CDH13: variants seen among roughly 807,000 people sequenced by gnomAD.
CDH13 encodes the protein cadherin-13.
CDH13 carries 24 observed loss-of-function variants against 63.8 expected under a neutral mutation model. The ratio of observed to expected loss-of-function variants is 0.38; its 90% CI spans 0.27 to 0.53. The LOEUF is 0.53. Ranked by LOEUF, CDH13 falls within the 20% of genes least tolerant of loss-of-function variation. CDH13 has a pLI of 0.85. For synonymous variants in CDH13, 503 were observed against 355.3 expected (o/e 1.42, Z -4.67); for missense variants, 1,049 against 903.1 (o/e 1.16, Z -2.07).
intron 6 of CDH13, among the ~76,000 whole-genome samples, chr16:83,399,745 G>A (rs530710069): frequency 2.0e-5 from 3 of 152,174 alleles, no homozygotes; most frequent in Admixed American, 6.5e-5. Flanking sequence ...ACTAAACCAC[G>A]CTAGACTCTG....
chr16:83,734,681 AT>A (rs1431264766), intron 10 of CDH13, among the ~76,000 whole-genome samples: 1 of 151,012 alleles, frequency 6.6e-6, no homozygotes, highest in Non-Finnish European at 1.5e-5. Flanking sequence ...ATGTATACAT[AT>A]GTAACTAACC....
chr16:83,229,920 A>G (rs1044062527), intron 5 of CDH13, among the ~76,000 whole-genome samples: 4 of 152,206 alleles, frequency 2.6e-5, no homozygotes, highest in African/African-American at 9.6e-5. Context: ...CATCCTCGTT[A>G]AATGATGGCT....
intron 4 of CDH13, among the ~76,000 whole-genome samples, chr16:83,148,158 G>A (rs1229381094): frequency 2.6e-5 from 4 of 152,132 alleles, no homozygotes; most frequent in East Asian, 3.9e-4. Flanking sequence ...GGCTGATCCT[G>A]AACTCCTGAC....
chr16:83,595,337 G>A (rs1907150785), intron 7 of CDH13, among the ~76,000 whole-genome samples: 7 of 152,208 alleles, frequency 4.6e-5, no homozygotes. Flanking sequence ...TATCAATAAT[G>A]AAAGTAAATC....
intron 1 of CDH13, among the ~76,000 whole-genome samples, chr16:82,845,649 C>G (rs1414394193): frequency 6.6e-6 from 1 of 152,158 alleles, no homozygotes; most frequent in Non-Finnish European, 1.5e-5. Context: ...TCATTATTTT[C>G]TCATTTGAAC....
chr16:83,515,970 G>T (rs1007478802), intron 7 of CDH13, among the ~76,000 whole-genome samples: 1 of 152,142 alleles, frequency 6.6e-6, no homozygotes, highest in African/African-American at 2.4e-5. Context: ...TGTTATCCAT[G>T]TTCTTTGTAT....
chr16:82,996,682 T>G (rs1912237278), intron 2 of CDH13, among the ~76,000 whole-genome samples: 1 of 152,178 alleles, frequency 6.6e-6, no homozygotes, highest in African/African-American at 2.4e-5. Flanking sequence ...GGAAATTTAT[T>G]TAGGATATCT....
intron 1 of CDH13, among the ~76,000 whole-genome samples, chr16:82,794,461 T>A (rs1379270187): frequency 6.6e-6 from 1 of 150,726 alleles, no homozygotes. Context: ...AGGGGTGGAG[T>A]AGAGAATCAT....
At chr16:83,545,304 A>G (rs965804472) in intron 7 of CDH13, among the ~76,000 whole-genome samples, 9 of 152,226 alleles carry the variant, frequency 5.9e-5, no homozygotes, top group Non-Finnish European at 1.5e-5. Flanking sequence ...GATGTTAATG[A>G]AGAAGGAAAA....
At position 82,778,570 on chromosome 16, in the gene CDH13, GAA is replaced by G. The variant is rs11350020; in HGVS notation, c.46-79770_46-79769del. ...GGAATGGCCTTTGGAATCACGACCA[GAA>G]AAAAAAAAAAAAAAAAAAAAAGGTC... On this transcript the variant is annotated intron_variant, in intron 1 of 13. Coordinates refer to ENST00000567109, the MANE Select transcript of CDH13 (RefSeq NM_001257.5). Among the ~76,000 whole-genome samples the G allele has an allele frequency of 4.2e-3, 363 of 85,748 alleles. 4 individuals are homozygous for G. The highest frequency in any genetic ancestry group is 0.021 in the East Asian group (48 of 2,286). 56.3% of individuals were successfully genotyped at this position (85,748 alleles called of 152,430 possible). A position where few individuals can be genotyped will look rare whatever the true frequency, so the allele number is the denominator to read the frequency against.
intron 2 of CDH13, among the ~76,000 whole-genome samples, chr16:82,863,492 A>C (rs932106787): frequency 6.6e-6 from 1 of 152,196 alleles, no homozygotes; most frequent in Non-Finnish European, 1.5e-5. Context: ...ACAGTCATCT[A>C]TTAGCTCTGT....
At chr16:82,697,118 G>A (rs755668032) in intron 1 of CDH13, among the ~76,000 whole-genome samples, 1 of 152,172 alleles carries the variant, frequency 6.6e-6, no homozygotes, top group African/African-American at 2.4e-5. Context: ...TATTAGAAAT[G>A]CATACTGAGT....
chr16:83,072,696 G>T (rs3935908), intron 3 of CDH13, among the ~76,000 whole-genome samples: 93,618 of 151,956 alleles, frequency 0.62, 29,871 homozygotes, highest in African/African-American at 0.79. Flanking sequence ...TGTGCATGGA[G>T]CAATGTCGTT....
chr16:83,204,029 C>T (rs1474202099), intron 4 of CDH13, among the ~76,000 whole-genome samples: 1 of 152,162 alleles, frequency 6.6e-6, no homozygotes, highest in Non-Finnish European at 1.5e-5. Flanking sequence ...ATCTGGAAAT[C>T]GAGACTTTGA....
chr16:83,499,160 T>C (rs1048207169), intron 7 of CDH13, among the ~76,000 whole-genome samples: 9 of 152,244 alleles, frequency 5.9e-5, no homozygotes, highest in Admixed American at 3.9e-4. Context: ...TAAATTATGG[T>C]ATATTCCTAC....
intron 7 of CDH13, among the ~76,000 whole-genome samples, chr16:83,548,330 G>C (rs922930122): frequency 2.0e-5 from 3 of 152,260 alleles, no homozygotes; most frequent in African/African-American, 7.2e-5. Flanking sequence ...GTTGCAACTG[G>C]CTGGGAGATT....
At chr16:83,279,878 C>A (rs1262715009) in intron 5 of CDH13, among the ~76,000 whole-genome samples, 1 of 151,578 alleles carries the variant, frequency 6.6e-6, no homozygotes, top group Non-Finnish European at 1.5e-5. Context: ...TATAGAAGCT[C>A]CATTTATACT....
At chr16:83,321,608 C>G (rs1250477916) in intron 5 of CDH13, among the ~76,000 whole-genome samples, 1 of 145,416 alleles carries the variant, frequency 6.9e-6, no homozygotes, top group African/African-American at 2.6e-5. Flanking sequence ...GGCTCACTGC[C>G]AGCTCCACAT....
intron 5 of CDH13, among the ~76,000 whole-genome samples, chr16:83,244,208 C>G (rs534191256): frequency 1.2e-4 from 18 of 152,132 alleles, no homozygotes; most frequent in Admixed American, 1.1e-3. Context: ...TTGTTTTAGA[C>G]TTGTGAGCTC....
Sources: allele counts gnomAD v4.1 joint callset (sites outside exome capture counted in the v4.1 genomes callset), GRCh38; gene constraint gnomAD v4.1.1; transcripts MANE v1.5; gene names NCBI Gene and HGNC (gene_info 2026-07-23, HGNC 2026-07-21).